FERMT1: variants seen among roughly 807,000 people sequenced by gnomAD.
FERMT1 encodes the protein fermitin family homolog 1.
FERMT1 carries 60 observed loss-of-function variants against 85.3 expected under a neutral mutation model. That is an observed-to-expected ratio of 0.70 (90% confidence interval 0.57 to 0.87). The LOEUF is 0.87. Ranked by LOEUF, FERMT1 falls within the 40% of genes least tolerant of loss-of-function variation. The pLI is 0.00. For missense variants in FERMT1, 701 were observed against 818.9 expected (o/e 0.86, Z 1.76); for synonymous variants, 275 against 301.1 (o/e 0.91, Z 0.90).
At position 6,088,998 on chromosome 20, in the gene FERMT1, G is replaced by T. The variant is rs369591144; in HGVS notation, c.1231C>A (p.Gln411Lys). The change falls in exon 10 of 15, where the codon CAA becomes AAA. Residue 411 changes from glutamine (Q) to lysine (K), a missense_variant. Transcript: ENST00000217289. ...IAYFKNKELE[Q>K]GEPLEKLNLR... ...TTTAGTTTTTCTAGTGGTTCTCCTT[G>T]TTCAAGTTCCTTATTTTTAAAGTAT... 20 of 1,611,894 alleles carry T rather than the reference G, an allele frequency of 1.2e-5. No individual in the cohort carries two copies. Among genetic ancestry groups the T allele is most frequent in the Non-Finnish European group, 1.7e-5 (20 of 1,178,432 alleles).
intron 2 of FERMT1, among the ~76,000 whole-genome samples, 193 bp downstream of exon 2, chr20:6,119,211 G>T: frequency 6.6e-6 from 1 of 152,192 alleles, no homozygotes; most frequent in Non-Finnish European, 1.5e-5. Context: ...GCCTCCCCAA[G>T]TGCTGGGATT....
At position 6,097,144 on chromosome 20, in the gene FERMT1, A is replaced by G. The variant is rs891055290; in HGVS notation, c.958-111T>C. ...GGACTATTCCCTTGGAATACTGAAC[A>G]TCTCCTAAACAGAGGTCTCCTTCCC... On this transcript the variant is annotated intron_variant, in intron 7 of 14. Coordinates refer to ENST00000217289, the MANE Select transcript of FERMT1 (RefSeq NM_017671.5). 3 of 1,081,336 alleles carry G rather than the reference A, an allele frequency of 2.8e-6. 1 individual carries two copies. The South Asian group carries it at 3.8e-5, about 14-fold the overall frequency. The allele number at this position is 1,081,336 out of a possible 1,614,324, so 67.0% of individuals were successfully genotyped here.
chr20:6,099,813 T>C (rs1982609954), intron 6 of FERMT1, among the ~76,000 whole-genome samples: 1 of 140,732 alleles, frequency 7.1e-6, no homozygotes, highest in Admixed American at 7.5e-5. Context: ...CTAGGCAACA[T>C]GATGAGTCAC....
chr20:6,077,470 A>G lies in FERMT1; in HGVS notation c.1861-124T>C, dbSNP rs1981860678. 3.5e-6 allele frequency: 3 copies of G among 856,124 alleles called. No homozygotes were observed. In the East Asian group the frequency reaches 7.9e-5, roughly 23 times the overall value. The allele number at this position is 856,124 out of a possible 1,614,324, so 53.0% of individuals were successfully genotyped here. A position where few individuals can be genotyped will look rare whatever the true frequency, so the allele number is the denominator to read the frequency against. On this transcript the variant is annotated intron_variant, in intron 14 of 14. Coordinates refer to ENST00000217289, the MANE Select transcript of FERMT1 (RefSeq NM_017671.5). ...GTGGATAACAGATGGATATCCCTCTAAAACACACAGAAAACCATCACTTCC... is the reference window on the plus strand; with the variant it reads ...GTGGATAACAGATGGATATCCCTCTGAAACACACAGAAAACCATCACTTCC...
chr20:6,082,784 T>C (rs6117074), intron 13 of FERMT1, among the ~76,000 whole-genome samples: 4,223 of 152,242 alleles, frequency 0.028, 111 homozygotes, highest in Middle Eastern at 0.061. Context: ...GCCTCCTGAG[T>C]AGCTGGGACT....
At chr20:6,109,541 T>C (rs1303644508) in intron 5 of FERMT1, among the ~76,000 whole-genome samples, 3 of 152,036 alleles carry the variant, frequency 2.0e-5, no homozygotes, top group Admixed American at 6.6e-5. Flanking sequence ...CAGAAATAGT[T>C]TGGGTGTATT....
chr20:6,107,861 C>T (rs1428520913), intron 5 of FERMT1, among the ~76,000 whole-genome samples: 3 of 152,000 alleles, frequency 2.0e-5, no homozygotes, highest in South Asian at 2.1e-4. Flanking sequence ...GCATTTTGTT[C>T]TGCTTTGTTT....
intron 6 of FERMT1, among the ~76,000 whole-genome samples, chr20:6,102,838 C>T (rs2123128001): frequency 6.6e-6 from 1 of 152,124 alleles, no homozygotes; most frequent in East Asian, 1.9e-4. Flanking sequence ...TTCCAACAAC[C>T]AACAATAAAA....
chr20:6,113,237 C>A (rs900740319), intron 3 of FERMT1, among the ~76,000 whole-genome samples: 1 of 152,162 alleles, frequency 6.6e-6, no homozygotes, highest in African/African-American at 2.4e-5. Flanking sequence ...TCCTCCTTGC[C>A]TTCCTCCATG....
In FERMT1 at chr20:6,085,287, C is replaced by T. The variant is rs1216021979; in HGVS notation, c.1372G>A (p.Glu458Lys). ...MNEMYLRCDH[E>K]NQYAQWMAAC... Reference sequence around the variant, plus strand: ...GCCATCCATTGGGCGTATTGATTCTCCTGCAGCAAACAGAAGGTTGAGAAG... The same window carrying T: ...GCCATCCATTGGGCGTATTGATTCTTCTGCAGCAAACAGAAGGTTGAGAAG... The change falls in exon 12 of 15, where the codon GAG (glutamate) becomes AAG (lysine). Residue 458 changes from glutamate (E) to lysine (K), a missense_variant and splice_region_variant. Glu to Lys is a moderately conservative substitution (Grantham distance 56, BLOSUM62 1). Coordinates refer to ENST00000217289, the MANE Select transcript of FERMT1 (RefSeq NM_017671.5). 2 of 1,613,096 alleles carry T rather than the reference C, an allele frequency of 1.2e-6. No homozygotes were observed. The highest frequency in any genetic ancestry group is 1.1e-5 in the South Asian group (1 of 91,020).
At chr20:6,093,751 G>C (rs1330411192) in intron 9 of FERMT1, among the ~76,000 whole-genome samples, 1 of 152,228 alleles carries the variant, frequency 6.6e-6, no homozygotes, top group Non-Finnish European at 1.5e-5. Flanking sequence ...GAGGTCAGGA[G>C]TTCAAAACCA....
chr20:6,079,635 C>G, intron 13 of FERMT1, 58 bp from the exon 14 acceptor site: 1 of 1,473,324 alleles, frequency 6.8e-7, no homozygotes, highest in South Asian at 1.1e-5. Context: ...ATACAATGTT[C>G]ACTCACATAT....
chr20:6,110,593 T>A, intron 4 of FERMT1, 82 bp from the exon 5 acceptor site: 1 of 1,124,400 alleles, frequency 8.9e-7, no homozygotes, highest in Non-Finnish European at 1.4e-6. Flanking sequence ...TTACTTACAC[T>A]AAAATGAGTT....
At chr20:6,111,237 G>C (rs1211167889) in intron 4 of FERMT1, among the ~76,000 whole-genome samples, 6 of 152,196 alleles carry the variant, frequency 3.9e-5, no homozygotes, top group Non-Finnish European at 8.8e-5. Flanking sequence ...CAAATAGCAG[G>C]ACTTGCCAAT....
chr20:6,110,489 T>C lies in FERMT1; in HGVS notation c.555A>G (p.Lys185=), dbSNP rs1982917603. The C allele has an allele frequency of 6.2e-7, 1 of 1,614,128 alleles. No individual in the cohort carries two copies. Among genetic ancestry groups the C allele is most frequent in the Non-Finnish European group, 8.5e-7 (1 of 1,180,018 alleles). The part of the protein sequence containing the change: ...GSSVSPGLYS[K]TMTPIYDPIN... ...TGGGGTCATATATAGGGGTCATGGT[T>C]TTACTGTATAAACCAGGACTTACTG... is the stretch of plus-strand genomic sequence containing the variant. The change falls in exon 5 of 15, where the codon AAA becomes AAG. Residue 185 remains lysine (K), a synonymous_variant. Coordinates refer to ENST00000217289, the MANE Select transcript of FERMT1 (RefSeq NM_017671.5).
intron 9 of FERMT1, among the ~76,000 whole-genome samples, chr20:6,093,590 C>A (rs1408313443): frequency 1.3e-5 from 2 of 152,160 alleles, no homozygotes; most frequent in East Asian, 3.8e-4. Context: ...CAAATTGTTA[C>A]TTTTTTCCTG....
In FERMT1 at chr20:6,077,300, A is replaced by G. The variant is rs1981855850; in HGVS notation, c.1907T>C (p.Leu636Pro). 1 of 1,614,234 alleles carries G rather than the reference A, an allele frequency of 6.2e-7. No individual in the cohort carries two copies. Among genetic ancestry groups the G allele is most frequent in the Non-Finnish European group, 8.5e-7 (1 of 1,180,036 alleles). The change falls in exon 15 of 15, where the codon CTG becomes CCG. Residue 636 changes from leucine to proline, a missense_variant. By Grantham distance (98) the Leu-to-Pro change is moderately conservative (BLOSUM62 -3). Transcript: ENST00000217289. ...GTGCACAATCTTGCAATCTGCACTC[A>G]GGCAGGTGAAAGCAGTAAAGACGTT... ...DQNVFTAFTC[L>P]SADCKIVHEY...
intron 13 of FERMT1, among the ~76,000 whole-genome samples, chr20:6,083,364 A>G (rs1379956751): frequency 6.6e-6 from 1 of 152,134 alleles, no homozygotes; most frequent in African/African-American, 2.4e-5. Flanking sequence ...TGGGCCTCCT[A>G]TGCATCCTTC....
chr20:6,089,062 G>A lies in FERMT1; in HGVS notation c.1167C>T (p.Phe389=), dbSNP rs374069028. Reference sequence around the variant, plus strand: ...CTTTAAAGATAAACCAATATTGTTTGAAAGCTTTTGGTAGTAACTTCTTGG... The same window carrying A: ...CTTTAAAGATAAACCAATATTGTTTAAAAGCTTTTGGTAGTAACTTCTTGG... ...FRPKKLLPKA[F]KQYWFIFKDT... The change falls in exon 10 of 15, where the codon TTC becomes TTT. Residue 389 remains phenylalanine, a synonymous_variant. Coordinates refer to ENST00000217289, the MANE Select transcript of FERMT1 (RefSeq NM_017671.5). 157 of 1,612,108 alleles carry A rather than the reference G, an allele frequency of 9.7e-5. No homozygotes were observed. Among genetic ancestry groups the A allele is most frequent in the South Asian group, 2.0e-4 (18 of 91,048 alleles).
Sources: gnomAD v4.1 joint callset for allele counts (sites outside exome capture counted in the v4.1 genomes callset) on GRCh38, gnomAD v4.1.1 for gene constraint, MANE v1.5 for transcripts, NCBI Gene and HGNC (gene_info 2026-07-23, HGNC 2026-07-21) for gene names.